The following HNRNPM variants were observed in gnomAD, a reference collection of about 807,000 sequenced individuals.
The protein encoded by HNRNPM is CEA receptor.
Under a neutral mutation model 73.1 loss-of-function variants are expected in HNRNPM, and 11 were observed. The observed-to-expected ratio is 0.15, with a 90% CI of 0.09 to 0.25. The LOEUF is 0.25. Ranked by LOEUF, HNRNPM falls within the 10% of genes least tolerant of loss-of-function variation. The pLI is 1.00. For missense variants in HNRNPM, 789 were observed against 1,067.9 expected (o/e 0.74, Z 3.64); for synonymous variants, 407 against 355.2 (o/e 1.15, Z -1.64).
In HNRNPM at chr19:8,456,474, C is replaced by T. The variant is rs112919709; in HGVS notation, c.283+900C>T. ...GTATATTGCCTTGAGGCGCCCTCCCCGCACCCCGACCTAGACTCAAACTAC... is the reference window on the plus strand; with the variant it reads ...GTATATTGCCTTGAGGCGCCCTCCCTGCACCCCGACCTAGACTCAAACTAC... On this transcript the variant is annotated intron_variant, in intron 2 of 15. Transcript: ENST00000325495. 9.5e-3 allele frequency among the ~76,000 whole-genome samples: 1,450 copies of T among 152,310 alleles called. 30 individuals carry two copies. Among genetic ancestry groups the T allele is most frequent in the African/African-American group, 0.033 (1,371 of 41,556 alleles).
rs869126042 is a variant in HNRNPM, at chr19:8,479,772, A to ATT, written c.1121-3367_1121-3366dup. On this transcript the variant is annotated intron_variant, in intron 12 of 15. Coordinates refer to ENST00000325495, the MANE Select transcript of HNRNPM (RefSeq NM_005968.5). The stretch of plus-strand genomic sequence containing the variant: ...GGTGTATTTAAAAAAAAAAAAAAAA[A>ATT]TTTTTTTTTTTTTTTTTTTTGCGAC... Among the ~76,000 whole-genome samples the ATT allele has an allele frequency of 2.4e-3, 102 of 41,642 alleles. 4 individuals are homozygous for ATT. Among genetic ancestry groups the ATT allele is most frequent in the African/African-American group, 8.6e-3 (96 of 11,184 alleles). The allele number at this position is 41,642 out of a possible 152,430, so 27.3% of individuals were successfully genotyped here. A position where few individuals can be genotyped will look rare whatever the true frequency, so the allele number is the denominator to read the frequency against.
At chr19:8,479,100 T>C (rs1970723423) in intron 12 of HNRNPM, among the ~76,000 whole-genome samples, 1 of 143,098 alleles carries the variant, frequency 7.0e-6, no homozygotes, top group Non-Finnish European at 1.5e-5. Context: ...TTTTTTTTTT[T>C]TTCAAGACAG....
intron 12 of HNRNPM, among the ~76,000 whole-genome samples, chr19:8,474,712 A>C: frequency 9.9e-6 from 1 of 101,276 alleles, no homozygotes; most frequent in Admixed American, 1.6e-4. Context: ...ATCCTCCACC[A>C]ACTTTTTTTT....
intron 13 of HNRNPM, among the ~76,000 whole-genome samples, chr19:8,484,168 C>T (rs1488994102): frequency 1.4e-5 from 2 of 141,508 alleles, no homozygotes; most frequent in African/African-American, 5.2e-5. Flanking sequence ...CATTTCCTCC[C>T]ATTTCTTTTT....
chr19:8,447,198 T>C (rs1010738130), intron 1 of HNRNPM, among the ~76,000 whole-genome samples: 7 of 151,840 alleles, frequency 4.6e-5, no homozygotes, highest in African/African-American at 1.5e-4. Context: ...AGTACTAGCT[T>C]CATAGAGGAT....
chr19:8,473,525 A>G (rs1309694077), intron 10 of HNRNPM, 139 bp from the exon 11 acceptor site: 1 of 627,596 alleles, frequency 1.6e-6, no homozygotes, highest in African/African-American at 1.9e-5. Context: ...TTTCTTGCTG[A>G]TTAAAATATA....
Position 8,467,551 on chromosome 19 carries a change from G to C in HNRNPM, c.801G>C (p.Gln267His). The change falls in exon 8 of 16, where the codon CAG becomes CAC. Residue 267 changes from glutamine (Q) to histidine (H), a missense_variant. Gln to His is a conservative substitution (Grantham distance 24, BLOSUM62 0). This residue lies in a region of HNRNPM where 604 missense variants were observed against 744.0 expected (regional missense o/e 0.81). Transcript: ENST00000325495. ...AVQAISMFNG[Q>H]LLFDRPMHVK... ...TAATACCAGCTATGTTCAATGGCCA[G>C]CTGCTATTTGATAGACCAATGCACG... 1 of 1,612,698 alleles carries C rather than the reference G, an allele frequency of 6.2e-7. No individual in the cohort carries two copies. Among genetic ancestry groups the C allele is most frequent in the Non-Finnish European group, 8.5e-7 (1 of 1,178,716 alleles).
At chr19:8,455,909 T>C (rs1968981812) in intron 2 of HNRNPM, among the ~76,000 whole-genome samples, 1 of 151,152 alleles carries the variant, frequency 6.6e-6, no homozygotes. Flanking sequence ...TTTTGAATTT[T>C]GCACGTTAGG....
chr19:8,471,868 GAT>G (rs1326085529), intron 10 of HNRNPM, among the ~76,000 whole-genome samples: 1 of 152,042 alleles, frequency 6.6e-6, no homozygotes, highest in Non-Finnish European at 1.5e-5. Context: ...TAGGGGCATT[GAT>G]AGATGCAAAA....
chr19:8,474,093 G>A (rs1970341209), intron 11 of HNRNPM, 74 bp from the exon 12 acceptor site: 2 of 1,103,570 alleles, frequency 1.8e-6, no homozygotes, highest in Non-Finnish European at 2.6e-6. Flanking sequence ...TGAAACATGT[G>A]ATAGAATTTT....
intron 10 of HNRNPM, among the ~76,000 whole-genome samples, chr19:8,473,197 C>T (rs1970273019): frequency 6.6e-6 from 1 of 151,960 alleles, no homozygotes. Context: ...GAGCTGTGAC[C>T]ATGCCACTGC....
Position 8,462,591 on chromosome 19 carries a change from TGA to T in HNRNPM, c.336+15_336+16del, listed in dbSNP as rs1395770480. The T allele has an allele frequency of 2.5e-6, 4 of 1,606,724 alleles. No individual in the cohort carries two copies. Among genetic ancestry groups the T allele is most frequent in the African/African-American group, 2.7e-5 (2 of 74,816 alleles). ...TGAAGGAAAGTCAAGGGTAAGTGTC[TGA>T]GAGAATTTCTTCTGTGGATTTACTA... On this transcript the variant is annotated intron_variant, in intron 3 of 15. Transcript: ENST00000325495. The surrounding 1 kb of genome is among the most constrained non-coding windows in gnomAD (Gnocchi z 4.5).
chr19:8,467,661 C>T (rs1361295689), intron 8 of HNRNPM, 77 bp downstream of exon 8: 2 of 1,023,238 alleles, frequency 2.0e-6, no homozygotes, highest in African/African-American at 1.6e-5. Context: ...GTACATATAG[C>T]CACTATGAAA....
At chr19:8,460,997 A>G (rs574751931) in intron 2 of HNRNPM, among the ~76,000 whole-genome samples, 4 of 152,336 alleles carry the variant, frequency 2.6e-5, no homozygotes, top group South Asian at 2.1e-4. Flanking sequence ...GCTTTGTACA[A>G]CTGTCCCTTG....
chr19:8,454,272 A>C (rs1037140284), intron 1 of HNRNPM, among the ~76,000 whole-genome samples: 2 of 152,044 alleles, frequency 1.3e-5, no homozygotes, highest in Non-Finnish European at 2.9e-5. Flanking sequence ...CCTCTGTTCT[A>C]CTTTCTGTGT....
chr19:8,476,833 A>T (rs889587974), intron 12 of HNRNPM, among the ~76,000 whole-genome samples: 1 of 152,146 alleles, frequency 6.6e-6, no homozygotes, highest in East Asian at 1.9e-4. Context: ...CTCCATGAGG[A>T]TGCCGCTGCG....
At chr19:8,446,414 T>C (rs569831887) in intron 1 of HNRNPM, among the ~76,000 whole-genome samples, 11 of 152,220 alleles carry the variant, frequency 7.2e-5, no homozygotes, top group Non-Finnish European at 1.3e-4. Flanking sequence ...CTTATATATT[T>C]AATTTTTTTC....
At chr19:8,450,564 C>T (rs1212092676) in intron 1 of HNRNPM, among the ~76,000 whole-genome samples, 1 of 152,012 alleles carries the variant, frequency 6.6e-6, no homozygotes, top group Non-Finnish European at 1.5e-5. Context: ...CACATGGTAC[C>T]ATGCCTAGCT....
Position 8,474,230 on chromosome 19 carries a change from T to C in HNRNPM, c.1106T>C (p.Met369Thr), listed in dbSNP as rs1015002996. Reference protein sequence around the residue: ...NMGRFGSGMNMGRINEILSNA... With the variant: ...NMGRFGSGMNTGRINEILSNA... ...GGTCGATTTGGATCTGGGATGAACA[T>C]GGGCAGGATAAATGGTAAGCATCGT... Residue 369 changes from methionine (M) to threonine (T), a missense_variant, in exon 12 of 16, where the codon ATG (methionine) becomes ACG (threonine). Around this residue, in one of 4 missense-constraint regions of HNRNPM, gnomAD observed 604 missense variants for 744.0 expected, o/e 0.81. Transcript: ENST00000325495. 1.9e-6 allele frequency: 3 copies of C among 1,591,094 alleles called. No individual in the cohort carries two copies. The highest frequency in any genetic ancestry group is 2.6e-6 in the Non-Finnish European group (3 of 1,170,256).
Sources: gnomAD v4.1 joint callset for allele counts (sites outside exome capture counted in the v4.1 genomes callset) on GRCh38, gnomAD v4.1.1 for gene constraint, gnomAD v4.1.1 regional missense constraint, Gnocchi (gnomAD v3.1) non-coding constraint, MANE v1.5 for transcripts, NCBI Gene and HGNC (gene_info 2026-07-23, HGNC 2026-07-21) for gene names.